Variants in NAV3 observed in about 807,000 individuals in gnomAD.
The protein encoded by NAV3 is pore membrane and/or filament interacting like protein 1.
In NAV3, 87 loss-of-function variants were observed where a neutral mutation model predicts 244.7. The observed-to-expected ratio is 0.36, with a 90% CI of 0.30 to 0.42. The LOEUF (loss-of-function observed/expected upper bound fraction) is 0.42, where lower values mean the gene tolerates loss of function less well. NAV3 is among the 20% of genes least tolerant of loss of function. The pLI is 1.00. For synonymous variants in NAV3, 1,126 were observed against 1,042.2 expected (o/e 1.08, Z -1.55); for missense variants, 2,663 against 2,893.3 (o/e 0.92, Z 1.83).
chr12:77,948,765 C>A (rs1225993367), intron 3 of NAV3, among the ~76,000 whole-genome samples: 1 of 142,128 alleles, frequency 7.0e-6, no homozygotes, highest in Non-Finnish European at 1.5e-5. Context: ...TTTTAACAAT[C>A]TTAGTTTAGG....
At chr12:77,842,085 A>C (rs1344508347) in intron 1 of NAV3, among the ~76,000 whole-genome samples, 1 of 152,210 alleles carries the variant, frequency 6.6e-6, no homozygotes, top group Non-Finnish European at 1.5e-5. Flanking sequence ...CATTTAAAAA[A>C]TAGTCTAAGG....
rs949405194 is a variant in NAV3, at chr12:78,062,770, A to G, written c.2636+3655A>G. On this transcript the variant is annotated intron_variant, in intron 12 of 39. Transcript: ENST00000397909. ...TTTACTTCCTATTTTGTGGTTCCCA[A>G]CTACTTTTGCCAAAGGTCTTTTAAA... Among the ~76,000 whole-genome samples, 54 of 152,136 alleles carry G rather than the reference A, an allele frequency of 3.5e-4. 1 individual carries two copies. Among genetic ancestry groups the G allele is most frequent in the Non-Finnish European group, 1.5e-4 (10 of 68,008 alleles).
At chr12:78,088,536 T>C (rs1406715716) in intron 12 of NAV3, among the ~76,000 whole-genome samples, 1 of 152,130 alleles carries the variant, frequency 6.6e-6, no homozygotes, top group African/African-American at 2.4e-5. Context: ...CTGCTAATAG[T>C]GTCCTCATTC....
At chr12:77,922,134 G>C (rs1184671815) in intron 1 of NAV3, among the ~76,000 whole-genome samples, 2 of 152,122 alleles carry the variant, frequency 1.3e-5, no homozygotes, top group Non-Finnish European at 2.9e-5. Flanking sequence ...GGTCAGCCCT[G>C]AAAACACTTC....
At chr12:77,771,217 C>G (rs1258564212) in intron 2 of NAV3, among the ~76,000 whole-genome samples, 2 of 152,130 alleles carry the variant, frequency 1.3e-5, no homozygotes, top group Admixed American at 1.3e-4. Flanking sequence ...CAATGAGATA[C>G]CATCTCACAC....
At chr12:77,857,650 GA>G (rs980835969) in intron 1 of NAV3, among the ~76,000 whole-genome samples, 50 of 151,538 alleles carry the variant, frequency 3.3e-4, no homozygotes, top group African/African-American at 1.1e-3. Flanking sequence ...ACTTTAGTGT[GA>G]AAAAAAGACT....
intron 3 of NAV3, among the ~76,000 whole-genome samples, chr12:77,942,489 A>C (rs991963940): frequency 2.0e-5 from 3 of 152,150 alleles, no homozygotes; most frequent in Admixed American, 2.0e-4. Flanking sequence ...GTTGTGAAAA[A>C]AATCACTGTA....
intron 1 of NAV3, among the ~76,000 whole-genome samples, chr12:77,873,961 A>G (rs142717291): frequency 0.014 from 2,095 of 151,284 alleles, 26 homozygotes; most frequent in Non-Finnish European, 0.023. Flanking sequence ...GCAGCAGGCT[A>G]GTGAGTTCTA....
chr12:78,187,532 A>T (rs1484486202), intron 31 of NAV3, among the ~76,000 whole-genome samples: 13 of 151,940 alleles, frequency 8.6e-5, no homozygotes, highest in Admixed American at 7.9e-4. Context: ...TTTCTAATAT[A>T]TGTAGAAATT....
intron 2 of NAV3, among the ~76,000 whole-genome samples, chr12:77,594,133 T>A (rs1870056578): frequency 6.6e-6 from 1 of 152,208 alleles, no homozygotes; most frequent in Non-Finnish European, 1.5e-5. Flanking sequence ...ATTTCACATC[T>A]TTTAGCAGAG....
intron 34 of NAV3, among the ~76,000 whole-genome samples, chr12:78,196,351 G>A (rs1475690002): frequency 6.6e-6 from 1 of 151,948 alleles, no homozygotes; most frequent in African/African-American, 2.4e-5. Flanking sequence ...TGGTGTTACA[G>A]ACAGAGAGAG....
chr12:77,978,808 C>T (rs913875930), intron 5 of NAV3, among the ~76,000 whole-genome samples: 2 of 151,564 alleles, frequency 1.3e-5, no homozygotes, highest in African/African-American at 4.8e-5. Flanking sequence ...TCCCAAATGC[C>T]CCTGTCTTTC....
intron 2 of NAV3, among the ~76,000 whole-genome samples, chr12:77,587,855 ACT>A (rs1215896936): frequency 6.6e-6 from 1 of 152,180 alleles, no homozygotes; most frequent in Non-Finnish European, 1.5e-5. Context: ...TACATAGATC[ACT>A]CTGAAAATGA....
At chr12:77,792,975 T>G (rs1871249458) in intron 2 of NAV3, among the ~76,000 whole-genome samples, 1 of 152,110 alleles carries the variant, frequency 6.6e-6, no homozygotes, top group Non-Finnish European at 1.5e-5. Context: ...ATGATTTCAG[T>G]GCGGGATATT....
chr12:77,742,010 T>C (rs556635300), intron 2 of NAV3, among the ~76,000 whole-genome samples: 9 of 152,246 alleles, frequency 5.9e-5, no homozygotes, highest in African/African-American at 1.7e-4. Flanking sequence ...CACAAAGTTT[T>C]CTTTGATTAT....
At chr12:77,584,564 A>G in intron 2 of NAV3, among the ~76,000 whole-genome samples, 1 of 152,180 alleles carries the variant, frequency 6.6e-6, no homozygotes, top group East Asian at 1.9e-4. Flanking sequence ...CAAAGGGCAA[A>G]GCTATCAAAG....
chr12:78,177,598 G>A (rs1958292363), intron 27 of NAV3, 22 bp from the exon 28 acceptor site: 4 of 1,593,020 alleles, frequency 2.5e-6, no homozygotes, highest in Non-Finnish European at 3.4e-6. Flanking sequence ...CCATGTATCT[G>A]TCTAACTGTA....
At chr12:77,607,364 C>G (rs1870715820) in intron 2 of NAV3, among the ~76,000 whole-genome samples, 1 of 152,032 alleles carries the variant, frequency 6.6e-6, no homozygotes, top group Non-Finnish European at 1.5e-5. Flanking sequence ...AAGGGATGCA[C>G]TTTCTTTTGA....
intron 2 of NAV3, among the ~76,000 whole-genome samples, chr12:77,680,392 G>A (rs1874398236): frequency 6.6e-6 from 1 of 152,044 alleles, no homozygotes; most frequent in African/African-American, 2.4e-5. Flanking sequence ...GAAGAGGGAG[G>A]CATCATTTAC....
Sources: gnomAD v4.1 joint callset for allele counts (sites outside exome capture counted in the v4.1 genomes callset) on GRCh38, gnomAD v4.1.1 for gene constraint, MANE v1.5 for transcripts, NCBI Gene and HGNC (gene_info 2026-07-23, HGNC 2026-07-21) for gene names.